CSPG4: variants seen among roughly 807,000 people sequenced by gnomAD.
The protein encoded by CSPG4 is chondroitin sulfate proteoglycan 4, also known as chondroitin sulfate proteoglycan 4 (melanoma-associated).
Under a neutral mutation model 139.3 loss-of-function variants are expected in CSPG4, and 74 were observed. The ratio of observed to expected loss-of-function variants is 0.53; its 90% confidence interval spans 0.44 to 0.64. The LOEUF (loss-of-function observed/expected upper bound fraction) is 0.64, where lower values mean the gene tolerates loss of function less well. Among genes scored for constraint, CSPG4 ranks in the 30% least tolerant of loss-of-function variants. The probability of loss-of-function intolerance (pLI) is 0.00; values close to 1 mark genes in which losing one functional copy is unlikely to be tolerated. For missense variants in CSPG4, 2,565 were observed against 3,148.3 expected (o/e 0.81, Z 4.43); for synonymous variants, 1,234 against 1,394.2 (o/e 0.89, Z 2.56).
Position 75,709,625 on chromosome 15 carries a change from G to A in CSPG4, c.88+3043C>T, listed in dbSNP as rs1422705582. Among the ~76,000 whole-genome samples the A allele has an allele frequency of 3.3e-5, 5 of 152,284 alleles. 2 individuals are homozygous for A. Among genetic ancestry groups the A allele is most frequent in the South Asian group, 4.1e-4 (2 of 4,828 alleles). On this transcript the variant is annotated intron_variant, in intron 1 of 9. Transcript: ENST00000308508. ...AGTGTGTGTGCCCACATCTGTGTGC[G>A]CCAGTAAGTGCGGACGTCAAGGCTA...
In CSPG4 at chr15:75,682,637, T is replaced by C. The variant is rs2141424573; in HGVS notation, c.4753A>G (p.Lys1585Glu). 6.2e-7 allele frequency: 1 copy of C among 1,613,168 alleles called. No individual in the cohort carries two copies. The change falls in exon 7 of 10, where the codon AAG becomes GAG. Residue 1585 changes from lysine (K) to glutamate (E), a missense_variant. By Grantham distance (56) the Lys-to-Glu change is moderately conservative (BLOSUM62 1). Transcript: ENST00000308508. The part of the protein sequence containing the change: ...TAQKQVLLSL[K>E]GSQTLTVCPG... ...CAGACAGTCAGTGTCTGGCTGCCCT[T>C]CAGCGAGAGGAGCACTTGCTTCTGG...
chr15:75,682,694 T>C lies in CSPG4; in HGVS notation c.4696A>G (p.Thr1566Ala), dbSNP rs1893991151. 2 of 1,612,964 alleles carry C rather than the reference T, an allele frequency of 1.2e-6. No homozygotes were observed. The highest frequency in any genetic ancestry group is 2.2e-5 in the South Asian group (2 of 91,072). ...ACTCGGAAGAAGTGTCCGGGGGAAG[T>C]GTGCTCGCCGTCAGAGAGGCGGAAG... The part of the protein sequence containing the change: ...FRFRLSDGEH[T>A]SPGHFFRVTA... Residue 1566 changes from threonine to alanine, a missense_variant, in exon 7 of 10, where the codon ACT becomes GCT. Physicochemically the swap from Thr to Ala is moderately conservative, Grantham distance 58. Coordinates refer to ENST00000308508, the MANE Select transcript of CSPG4 (RefSeq NM_001897.5).
chr15:75,687,516 T>C lies in CSPG4; in HGVS notation c.3549A>G (p.Pro1183=). The C allele has an allele frequency of 6.2e-7, 1 of 1,612,270 alleles. No individual in the cohort carries two copies. The highest frequency in any genetic ancestry group is 8.5e-7 in the Non-Finnish European group (1 of 1,179,518). The part of the protein sequence containing the change: ...RWGQLVRAGQ[P]ATAFSQQDLL... ...GGTCCTGCTGGGAGAAGGCTGTGGC[T>C]GGCTGACCAGCCCGGACTAGCTGTC... Residue 1183 remains proline, a synonymous_variant, in exon 3 of 10, where the codon CCA becomes CCG. Transcript: ENST00000308508. The surrounding 1 kb of genome is among the most constrained non-coding windows in gnomAD (Gnocchi z 5.4).
At position 75,689,105 on chromosome 15, in the gene CSPG4, G is replaced by T. The variant is rs776387063; in HGVS notation, c.1960C>A (p.Leu654Met). ...GCCGGCCGGATGGCCACCACCTTCA[G>T]CGTGGCCGGGGGGCTGGCCTGCAGT... is the stretch of plus-strand genomic sequence containing the variant. Reference protein sequence around the residue: ...DGLQASPPATLKVVAIRPAIQ... With the variant: ...DGLQASPPATMKVVAIRPAIQ... Residue 654 changes from leucine to methionine, a missense_variant, in exon 3 of 10, where the codon CTG (leucine) becomes ATG (methionine). By Grantham distance (15) the Leu-to-Met change is conservative (BLOSUM62 2). Around this residue, in one of 5 missense-constraint regions of CSPG4, gnomAD observed 2,316 missense variants for 2,818.2 expected, o/e 0.82. Transcript: ENST00000308508. The T allele has an allele frequency of 1.2e-6, 2 of 1,604,214 alleles. No homozygotes were observed. Among genetic ancestry groups the T allele is most frequent in the Non-Finnish European group, 1.7e-6 (2 of 1,175,590 alleles).
intron 8 of CSPG4, chr15:75,678,592 G>A (rs546190712): frequency 1.2e-4 from 55 of 453,536 alleles, no homozygotes; most frequent in South Asian, 7.8e-4. Flanking sequence ...GGGCTCAAGC[G>A]GTCCACTTGC....
At chr15:75,711,662 G>C (rs1247274631) in intron 1 of CSPG4, among the ~76,000 whole-genome samples, 2 of 152,258 alleles carry the variant, frequency 1.3e-5, no homozygotes, top group Non-Finnish European at 2.9e-5. Context: ...GGTGTGGCCT[G>C]GGCCCTTGTG....
rs761270733 is a variant in CSPG4 at position 75,690,083 on chromosome 15, C to G, written c.982G>C (p.Asp328His). The change falls in exon 3 of 10, where the codon GAT becomes CAT. Residue 328 changes from aspartate (D) to histidine (H), a missense_variant. Coordinates refer to ENST00000308508, the MANE Select transcript of CSPG4 (RefSeq NM_001897.5). ...PRGSLLLGGLDAEASRHLQEH... is the reference protein window; with the variant it reads ...PRGSLLLGGLHAEASRHLQEH... ...TGGAGGTGACGAGAGGCCTCTGCAT[C>G]CAGCCCCCCGAGAAGGAGACTGCCC... 14 of 1,612,092 alleles carry G rather than the reference C, an allele frequency of 8.7e-6. No homozygotes were observed. The South Asian group carries it at 1.5e-4, about 18-fold the overall frequency.
intron 5 of CSPG4, 142 bp downstream of exon 5, chr15:75,684,594 C>T: frequency 1.4e-6 from 1 of 737,938 alleles, no homozygotes; most frequent in Non-Finnish European, 2.2e-6. Context: ...CTTCCAACAA[C>T]CCCGTGAGGC....
Position 75,674,651 on chromosome 15 carries a change from A to G in CSPG4, c.*899T>C. On this transcript the variant is annotated 3_prime_UTR_variant, in exon 10 of 10. Transcript: ENST00000308508. Reference sequence around the variant, plus strand: ...AGAGCCTCCAAAGCACTGTTTATCCAGGCTCCATGGAACCAAGTGCCCCCA... The same window carrying G: ...AGAGCCTCCAAAGCACTGTTTATCCGGGCTCCATGGAACCAAGTGCCCCCA... 1 of 398,942 alleles carries G rather than the reference A, an allele frequency of 2.5e-6. No individual in the cohort carries two copies. Among genetic ancestry groups the G allele is most frequent in the Non-Finnish European group, 4.4e-6 (1 of 226,048 alleles). The allele number at this position is 398,942 out of a possible 1,614,324, so 24.7% of individuals were successfully genotyped here. A position where few individuals can be genotyped will look rare whatever the true frequency, so the allele number is the denominator to read the frequency against.
chr15:75,694,751 G>GGAAT (rs1894205446), intron 1 of CSPG4, among the ~76,000 whole-genome samples: 1 of 152,252 alleles, frequency 6.6e-6, no homozygotes, highest in Admixed American at 6.5e-5. Context: ...GGAAGCTACG[G>GGAAT]GAATCAAGGG....
At position 75,682,951 on chromosome 15, in the gene CSPG4, C is replaced by G. The variant is rs765988638; in HGVS notation, c.4540G>C (p.Glu1514Gln). 1.2e-5 allele frequency: 20 copies of G among 1,611,368 alleles called. No homozygotes were observed. The Admixed American group carries it at 3.3e-4, about 27-fold the overall frequency. Residue 1514 changes from glutamate to glutamine, a missense_variant, in exon 6 of 10, where the codon GAG (glutamate) becomes CAG (glutamine). Coordinates refer to ENST00000308508, the MANE Select transcript of CSPG4 (RefSeq NM_001897.5). The stretch of plus-strand genomic sequence containing the variant: ...ACTACCCGCCCGTTGCTGGGCTGCT[C>G]GATGGTGTAGACCAGATCCTCAGAC... ...SGSEDLVYTI[E>Q]QPSNGRVVLR...
In CSPG4 at chr15:75,675,517, T is replaced by A. The variant is rs540996393; in HGVS notation, c.*33A>T. On this transcript the variant is annotated 3_prime_UTR_variant, in exon 10 of 10. Transcript: ENST00000308508. Reference sequence around the variant, plus strand: ...CCCGGGACATGGGCAAGCCTGTCCCTGGCCCGATCAGCATCTGGGCCCAGG... The same window carrying A: ...CCCGGGACATGGGCAAGCCTGTCCCAGGCCCGATCAGCATCTGGGCCCAGG... 16 of 1,465,908 alleles carry A rather than the reference T, an allele frequency of 1.1e-5. No individual in the cohort carries two copies. The African/African-American group carries it at 2.0e-4, about 18-fold the overall frequency. The allele number at this position is 1,465,908 out of a possible 1,614,324, so 90.8% of individuals were successfully genotyped here.
In CSPG4 at chr15:75,676,605, G is replaced by A. The variant is rs777481857; in HGVS notation, c.5914C>T (p.Arg1972Trp). The A allele has an allele frequency of 6.8e-6, 11 of 1,610,520 alleles. No homozygotes were observed. Among genetic ancestry groups the A allele is most frequent in the East Asian group, 4.5e-5 (2 of 44,824 alleles). The change falls in exon 10 of 10, where the codon CGG (arginine) becomes TGG (tryptophan). Residue 1972 changes from arginine to tryptophan, a missense_variant. By Grantham distance (101) the Arg-to-Trp change is moderately radical (BLOSUM62 -3). This residue lies in a region of CSPG4 where 2,316 missense variants were observed against 2,818.2 expected (regional missense o/e 0.82). Coordinates refer to ENST00000308508, the MANE Select transcript of CSPG4 (RefSeq NM_001897.5). ...CGGTATGCTGCCTCTGGCTCCTCCC[G>A]ATCTGAAACCACCCGGAGCTGCTGC... ...SQQQLRVVSD[R>W]EEPEAAYRLI...
chr15:75,692,248 T>A (rs1596010359), intron 2 of CSPG4, among the ~76,000 whole-genome samples: 1 of 152,312 alleles, frequency 6.6e-6, no homozygotes, highest in South Asian at 2.1e-4. Context: ...CCTCCCAAAG[T>A]GCTGGGATTA....
chr15:75,677,178 C>T lies in CSPG4; in HGVS notation c.5341G>A (p.Ala1781Thr). The change falls in exon 10 of 10, where the codon GCA (alanine) becomes ACA (threonine). Residue 1781 changes from alanine to threonine, a missense_variant. This residue lies in a region of CSPG4 where 2,316 missense variants were observed against 2,818.2 expected (regional missense o/e 0.82). Transcript: ENST00000308508. Reference protein sequence around the residue: ...QPHFLQSQLAAGQLVYAHGGG... With the variant: ...QPHFLQSQLATGQLVYAHGGG... ...CCGTGGGCATACACTAGCTGCCCTG[C>T]AGCCAGCTGGGACTGCAGGAAGTGG... 2 of 1,433,774 alleles carry T rather than the reference C, an allele frequency of 1.4e-6. 1 individual carries two copies. Among genetic ancestry groups the T allele is most frequent in the South Asian group, 3.2e-5 (2 of 62,088 alleles). 88.8% of individuals were successfully genotyped at this position (1,433,774 alleles called of 1,614,324 possible).
Position 75,675,538 on chromosome 15 carries a change from C to A in CSPG4, c.*12G>T, listed in dbSNP as rs1379466259. 3.4e-6 allele frequency: 5 copies of A among 1,475,900 alleles called. No homozygotes were observed. The highest frequency in any genetic ancestry group is 1.5e-5 in the South Asian group (1 of 66,120). The allele number at this position is 1,475,900 out of a possible 1,614,324, so 91.4% of individuals were successfully genotyped here. A position where few individuals can be genotyped will look rare whatever the true frequency, so the allele number is the denominator to read the frequency against. On this transcript the variant is annotated 3_prime_UTR_variant, in exon 10 of 10. Transcript: ENST00000308508. ...TCCCTGGCCCGATCAGCATCTGGGCCCAGGCCAGGCCTCACACCCAGTACT... is the reference window on the plus strand; with the variant it reads ...TCCCTGGCCCGATCAGCATCTGGGCACAGGCCAGGCCTCACACCCAGTACT...
intron 1 of CSPG4, among the ~76,000 whole-genome samples, chr15:75,707,091 G>C (rs1452123547): frequency 6.6e-6 from 1 of 151,936 alleles, no homozygotes; most frequent in African/African-American, 2.4e-5. Context: ...CTGAGTAGCT[G>C]GGATTACAGG....
intron 3 of CSPG4, among the ~76,000 whole-genome samples, chr15:75,686,796 C>G (rs1189556607): frequency 6.6e-6 from 1 of 152,168 alleles, no homozygotes; most frequent in Non-Finnish European, 1.5e-5. Context: ...CTGGAGGGCC[C>G]GTGGTTGCTC....
At chr15:75,704,908 T>C (rs1369863635) in intron 1 of CSPG4, among the ~76,000 whole-genome samples, 1 of 152,158 alleles carries the variant, frequency 6.6e-6, no homozygotes, top group Non-Finnish European at 1.5e-5. Context: ...CCCACGTCCC[T>C]GGGCCCTGGC....
Sources: gnomAD v4.1 joint callset for allele counts (sites outside exome capture counted in the v4.1 genomes callset) on GRCh38, gnomAD v4.1.1 for gene constraint, gnomAD v4.1.1 regional missense constraint, Gnocchi (gnomAD v3.1) non-coding constraint, MANE v1.5 for transcripts, NCBI Gene and HGNC (gene_info 2026-07-23, HGNC 2026-07-21) for gene names.